CNTN4: variants seen among roughly 807,000 people sequenced by gnomAD.
CNTN4 encodes the protein contactin-4.
A neutral mutation model predicts 122.5 loss-of-function variants in CNTN4; 77 were observed. That is an observed-to-expected ratio of 0.63 (90% CI 0.52 to 0.76). The LOEUF (loss-of-function observed/expected upper bound fraction) is 0.76, where lower values mean the gene tolerates loss of function less well. CNTN4 is among the 30% of genes least tolerant of loss of function. The pLI is 0.00. For synonymous variants in CNTN4, 512 were observed against 447.0 expected, an observed-to-expected ratio of 1.15 and a Z score of -1.83; for missense variants, 1,256 against 1,259.1, an observed-to-expected ratio of 1.00 and a Z score of 0.04.
At chr3:2,293,108 T>C (rs2042191578) in intron 2 of CNTN4, among the ~76,000 whole-genome samples, 1 of 135,182 alleles carries the variant, frequency 7.4e-6, no homozygotes, top group Non-Finnish European at 1.6e-5. Flanking sequence ...ATAGTGCTAT[T>C]GCACTGTGGT....
Position 2,766,485 on chromosome 3 carries a change from C to G in CNTN4, c.358+20788C>G, listed in dbSNP as rs781553363. 2.6e-5 allele frequency among the ~76,000 whole-genome samples: 4 copies of G among 152,168 alleles called. No individual in the cohort carries two copies. In the South Asian group the frequency reaches 8.3e-4, roughly 31 times the overall value. ...TGGAGACGATTATTCTAAGTGAAGTCACTCAGGAATGGAAAACCAAACATC... is the reference window on the plus strand; with the variant it reads ...TGGAGACGATTATTCTAAGTGAAGTGACTCAGGAATGGAAAACCAAACATC... On this transcript the variant is annotated intron_variant, in intron 6 of 24. Coordinates refer to ENST00000418658, the MANE Select transcript of CNTN4 (RefSeq NM_175607.3).
chr3:2,379,162 A>G (rs1277315732), intron 3 of CNTN4, among the ~76,000 whole-genome samples: 3 of 152,210 alleles, frequency 2.0e-5, no homozygotes, highest in Admixed American at 1.3e-4. Flanking sequence ...CAGTTTTCTA[A>G]TAATCACAAC....
At chr3:2,322,891 T>G (rs1191603743) in intron 2 of CNTN4, among the ~76,000 whole-genome samples, 1 of 152,138 alleles carries the variant, frequency 6.6e-6, no homozygotes, top group Non-Finnish European at 1.5e-5. Flanking sequence ...CATTCTAAGA[T>G]CTTTAAAATA....
chr3:2,705,636 ATATT>A (rs1220230918), intron 4 of CNTN4, among the ~76,000 whole-genome samples: 1 of 86,628 alleles, frequency 1.2e-5, no homozygotes, highest in Non-Finnish European at 1.9e-5. Context: ...ATAAATATAT[ATATT>A]ATATATAAAA....
chr3:2,461,688 C>T (rs1018222478), intron 3 of CNTN4, among the ~76,000 whole-genome samples: 2 of 152,196 alleles, frequency 1.3e-5, no homozygotes, highest in African/African-American at 2.4e-5. Flanking sequence ...TTTGAATTTT[C>T]GTATTAATAT....
intron 7 of CNTN4, among the ~76,000 whole-genome samples, chr3:2,824,208 C>T (rs183217123): frequency 6.6e-6 from 1 of 151,348 alleles, no homozygotes; most frequent in Non-Finnish European, 1.5e-5. Flanking sequence ...CCTGTAATCC[C>T]AGCACTTTGG....
chr3:2,871,510 A>G (rs2093784047), intron 8 of CNTN4, among the ~76,000 whole-genome samples: 1 of 152,088 alleles, frequency 6.6e-6, no homozygotes, highest in Non-Finnish European at 1.5e-5. Flanking sequence ...TTTGCTTGTC[A>G]TTATTTTTCT....
At chr3:2,691,569 C>A (rs1380260175) in intron 4 of CNTN4, among the ~76,000 whole-genome samples, 1 of 152,130 alleles carries the variant, frequency 6.6e-6, no homozygotes, top group Non-Finnish European at 1.5e-5. Context: ...GAGGAACTCA[C>A]AGGAAAGTAA....
chr3:2,578,730 T>C (rs2079805148), intron 4 of CNTN4, among the ~76,000 whole-genome samples: 1 of 152,186 alleles, frequency 6.6e-6, no homozygotes, highest in Non-Finnish European at 1.5e-5. Context: ...TTTACAATCA[T>C]GCTGACCGAA....
chr3:2,252,116 G>A (rs891255058), intron 2 of CNTN4, among the ~76,000 whole-genome samples: 5 of 151,862 alleles, frequency 3.3e-5, no homozygotes, highest in East Asian at 1.9e-4. Flanking sequence ...TGCCAGATAC[G>A]CACTGATTTA....
rs116801085 is a variant in CNTN4, at chr3:2,414,211, A to T, written c.-89+74978A>T. 4.8e-3 allele frequency among the ~76,000 whole-genome samples: 728 copies of T among 152,330 alleles called. 9 individuals carry two copies. The highest frequency in any genetic ancestry group is 0.017 in the African/African-American group (712 of 41,576). ...CCATGGCTTTCATAGACCAGTGATG[A>T]TACTTGAATTATTTATGTAAGTGTT... On this transcript the variant is annotated intron_variant, in intron 3 of 24. Transcript: ENST00000418658.
rs530531306 is a variant in CNTN4 at position 2,226,766 on chromosome 3, A to G, written c.-144-112412A>G. Among the ~76,000 whole-genome samples, 36 of 152,328 alleles carry G rather than the reference A, an allele frequency of 2.4e-4. No homozygotes were observed. The South Asian group carries it at 4.3e-3, about 18-fold the overall frequency. On this transcript the variant is annotated intron_variant, in intron 2 of 24. Coordinates refer to ENST00000418658, the MANE Select transcript of CNTN4 (RefSeq NM_175607.3). ...AGTAGTGACCTATGAAAATGCAAGT[A>G]TTATAAAGCAGTAATATAGACTATA...
chr3:2,517,748 A>T (rs2077081313), intron 3 of CNTN4, among the ~76,000 whole-genome samples: 1 of 152,146 alleles, frequency 6.6e-6, no homozygotes, highest in African/African-American at 2.4e-5. Flanking sequence ...TTCATTGTAT[A>T]TGTGTGTGCC....
At chr3:2,969,566 T>C (rs1001734673) in intron 13 of CNTN4, among the ~76,000 whole-genome samples, 3 of 149,840 alleles carry the variant, frequency 2.0e-5, no homozygotes, top group Non-Finnish European at 4.5e-5. Flanking sequence ...ATGGATGCTG[T>C]GCAGGCAATA....
At chr3:2,383,963 A>G (rs1317409139) in intron 3 of CNTN4, among the ~76,000 whole-genome samples, 6 of 152,196 alleles carry the variant, frequency 3.9e-5, no homozygotes, top group Non-Finnish European at 7.3e-5. Context: ...TATATATCAC[A>G]ACCATTTGAT....
intron 2 of CNTN4, among the ~76,000 whole-genome samples, chr3:2,268,638 T>C (rs2041150341): frequency 6.6e-6 from 1 of 152,116 alleles, no homozygotes; most frequent in Middle Eastern, 3.2e-3. Context: ...TCTATTTCTG[T>C]CTATCTATCT....
At chr3:2,842,733 G>C (rs2093385532) in intron 7 of CNTN4, among the ~76,000 whole-genome samples, 1 of 152,180 alleles carries the variant, frequency 6.6e-6, no homozygotes, top group Non-Finnish European at 1.5e-5. Context: ...CCTATCAGCA[G>C]CATTCAATAC....
At chr3:2,801,960 T>C (rs1358526568) in intron 6 of CNTN4, among the ~76,000 whole-genome samples, 1 of 152,218 alleles carries the variant, frequency 6.6e-6, no homozygotes, top group East Asian at 1.9e-4. Context: ...GAGTTTTCTC[T>C]ATTTGCTAAA....
intron 4 of CNTN4, among the ~76,000 whole-genome samples, chr3:2,661,057 G>T (rs2083867025): frequency 6.6e-6 from 1 of 152,166 alleles, no homozygotes; most frequent in Non-Finnish European, 1.5e-5. Context: ...AAGGAGCGGA[G>T]GTAAAGGGAC....
Sources: gnomAD v4.1 joint callset for allele counts (sites outside exome capture counted in the v4.1 genomes callset) on GRCh38, gnomAD v4.1.1 for gene constraint, MANE v1.5 for transcripts, NCBI Gene and HGNC (gene_info 2026-07-23, HGNC 2026-07-21) for gene names.